Variants in FER observed in about 807,000 individuals in gnomAD.
The protein encoded by FER is tyrosine-protein kinase Fer.
In FER, 63 loss-of-function variants were observed where a neutral mutation model predicts 111.0. The ratio of observed to expected loss-of-function variants is 0.57; its 90% CI spans 0.46 to 0.70. The LOEUF (loss-of-function observed/expected upper bound fraction) is 0.70, where lower values mean the gene tolerates loss of function less well. Among genes scored for constraint, FER ranks in the 30% least tolerant of loss-of-function variants. FER has a pLI of 0.00. For missense variants in FER, 914 were observed against 954.0 expected (o/e 0.96, Z 0.55); for synonymous variants, 327 against 313.9 (o/e 1.04, Z -0.44).
chr5:108,933,234 G>A (rs923397882), intron 10 of FER, among the ~76,000 whole-genome samples: 7 of 152,038 alleles, frequency 4.6e-5, no homozygotes, highest in Admixed American at 2.6e-4. Flanking sequence ...TAGGTCTTAC[G>A]TTTAAGTCTT....
intron 3 of FER, among the ~76,000 whole-genome samples, chr5:108,825,770 G>A (rs1005803048): frequency 6.6e-6 from 1 of 152,154 alleles, no homozygotes; most frequent in African/African-American, 2.4e-5. Context: ...TTAATTTGGG[G>A]GAACCAATAA....
chr5:108,867,848 C>T lies in FER; in HGVS notation c.563C>T (p.Ala188Val), dbSNP rs1764227304. ...LHMLHNQYVLALKGAQLHQNQ... is the reference protein window; with the variant it reads ...LHMLHNQYVLVLKGAQLHQNQ... ...ATGTTGCACAATCAGTATGTATTGG[C>T]GTTGAAAGGGGCACAGCTCCATCAG... is the stretch of plus-strand genomic sequence containing the variant. The change falls in exon 6 of 20, where the codon GCG becomes GTG. Residue 188 changes from alanine (A) to valine (V), a missense_variant. Coordinates refer to ENST00000281092, the MANE Select transcript of FER (RefSeq NM_005246.4). 5 of 1,611,934 alleles carry T rather than the reference C, an allele frequency of 3.1e-6. No homozygotes were observed. The highest frequency in any genetic ancestry group is 2.2e-5 in the East Asian group (1 of 44,812).
intron 13 of FER, among the ~76,000 whole-genome samples, chr5:109,036,865 C>A (rs72790569): frequency 0.18 from 28,024 of 151,706 alleles, 2,710 homozygotes; most frequent in Non-Finnish European, 0.22. Context: ...GCCTTATGCA[C>A]CCTAGTGATA....
intron 10 of FER, among the ~76,000 whole-genome samples, chr5:108,939,647 C>T (rs183791041): frequency 2.0e-4 from 30 of 152,144 alleles, no homozygotes; most frequent in African/African-American, 6.5e-4. Flanking sequence ...AATGCATCTC[C>T]TGGTTGGATT....
At chr5:108,824,946 C>A (rs1759295681) in intron 3 of FER, among the ~76,000 whole-genome samples, 1 of 54,048 alleles carries the variant, frequency 1.9e-5, no homozygotes. Context: ...ATCTGTGATG[C>A]CCACAAGCCA....
Position 108,927,252 on chromosome 5 carries a change from C to CTT in FER, c.1237-18860_1237-18859dup, listed in dbSNP as rs766702172. 8.1e-3 allele frequency among the ~76,000 whole-genome samples: 772 copies of CTT among 95,202 alleles called. 177 individuals are homozygous for CTT. Among genetic ancestry groups the CTT allele is most frequent in the African/African-American group, 0.041 (702 of 17,228 alleles). The allele number at this position is 95,202 out of a possible 152,430, so 62.5% of individuals were successfully genotyped here. ...TGTAATTCAGCATTGAGAAGTGGCTCTTTTTTTTTTTTTTTTTTTGAGACG... is the reference window on the plus strand; with the variant it reads ...TGTAATTCAGCATTGAGAAGTGGCTCTTTTTTTTTTTTTTTTTTTTTGAGACG... On this transcript the variant is annotated intron_variant, in intron 10 of 19. Transcript: ENST00000281092.
At chr5:108,787,595 C>T (rs563033822) in intron 2 of FER, among the ~76,000 whole-genome samples, 126 of 152,286 alleles carry the variant, frequency 8.3e-4, no homozygotes, top group Admixed American at 1.8e-3. Context: ...CATGGCTGCC[C>T]ATGGATGAAT....
At chr5:109,100,577 G>A (rs1290939996) in intron 17 of FER, 58 bp downstream of exon 17, 65 of 1,508,668 alleles carry the variant, frequency 4.3e-5, no homozygotes, top group Non-Finnish European at 5.6e-5. Context: ...CTGGAAAACT[G>A]ATGTATTTGC....
At chr5:109,016,947 G>A (rs943899533) in intron 13 of FER, among the ~76,000 whole-genome samples, 3 of 151,962 alleles carry the variant, frequency 2.0e-5, no homozygotes, top group Non-Finnish European at 2.9e-5. Flanking sequence ...CTGTGAATAT[G>A]CCTAGGAAAG....
At chr5:108,904,696 T>A (rs531442748) in intron 10 of FER, among the ~76,000 whole-genome samples, 33 of 152,178 alleles carry the variant, frequency 2.2e-4, no homozygotes, top group Non-Finnish European at 1.3e-4. Context: ...GTGTGTAGTT[T>A]ATGTGTAAGA....
intron 10 of FER, among the ~76,000 whole-genome samples, chr5:108,921,277 T>G: frequency 6.6e-6 from 1 of 152,200 alleles, no homozygotes; most frequent in East Asian, 1.9e-4. Flanking sequence ...GTTCTAAATA[T>G]TTCCATGCAT....
chr5:108,772,690 G>T (rs1753055958), intron 2 of FER, among the ~76,000 whole-genome samples: 1 of 151,926 alleles, frequency 6.6e-6, no homozygotes, highest in African/African-American at 2.4e-5. Flanking sequence ...ACATTTGGTT[G>T]CATTAAGTTA....
intron 3 of FER, among the ~76,000 whole-genome samples, chr5:108,802,850 G>C (rs1454861869): frequency 6.6e-6 from 1 of 152,060 alleles, no homozygotes; most frequent in South Asian, 2.1e-4. Flanking sequence ...TCTTTTGGCT[G>C]TATACCCACT....
chr5:108,908,371 T>A (rs1001050272), intron 10 of FER, among the ~76,000 whole-genome samples: 22 of 152,216 alleles, frequency 1.4e-4, no homozygotes, highest in Non-Finnish European at 3.1e-4. Context: ...AAATTTCTAT[T>A]CATAGATTAA....
intron 5 of FER, among the ~76,000 whole-genome samples, chr5:108,850,273 C>T (rs1762428060): frequency 6.6e-6 from 1 of 150,852 alleles, no homozygotes; most frequent in Admixed American, 6.6e-5. Context: ...TGATCCTCTA[C>T]TGTTTTTCTG....
intron 1 of FER, 142 bp from the exon 2 acceptor site, chr5:108,767,951 T>C (rs554718759): frequency 6.6e-6 from 1 of 152,282 alleles, no homozygotes; most frequent in South Asian, 2.1e-4. Context: ...GTTAGGTAAG[T>C]GTAGCATTCT....
chr5:108,978,742 T>C (rs1030529310), intron 13 of FER, among the ~76,000 whole-genome samples: 2 of 152,182 alleles, frequency 1.3e-5, no homozygotes, highest in Non-Finnish European at 2.9e-5. Context: ...GCAAACTGTG[T>C]ACATGAAGCC....
intron 19 of FER, 122 bp downstream of exon 19, chr5:109,186,444 C>G (rs1489679718): frequency 6.3e-6 from 9 of 1,433,394 alleles, no homozygotes; most frequent in Non-Finnish European, 8.6e-6. Context: ...GAGACCATCT[C>G]TGGGGTTCAG....
At chr5:108,834,766 A>T (rs1476059204) in intron 4 of FER, among the ~76,000 whole-genome samples, 1 of 151,008 alleles carries the variant, frequency 6.6e-6, no homozygotes, top group Admixed American at 6.6e-5. Flanking sequence ...TTAACCAGTG[A>T]GTTTTTTCTT....
Sources: gnomAD v4.1 joint callset for allele counts (sites outside exome capture counted in the v4.1 genomes callset) on GRCh38, gnomAD v4.1.1 for gene constraint, MANE v1.5 for transcripts, NCBI Gene and HGNC (gene_info 2026-07-23, HGNC 2026-07-21) for gene names.